The following TMPRSS15 variants were observed in gnomAD, a reference collection of about 807,000 sequenced individuals.
TMPRSS15 encodes the protein transmembrane serine protease 15.
TMPRSS15 carries 128 observed loss-of-function variants against 125.3 expected under a neutral mutation model. The ratio of observed to expected loss-of-function variants is 1.02; its 90% CI spans 0.89 to 1.18. The LOEUF is 1.18. TMPRSS15 is among the 50% of genes most tolerant of loss of function. TMPRSS15 has a pLI of 0.00. For synonymous variants in TMPRSS15, 446 were observed against 423.2 expected (o/e 1.05, Z -0.66); for missense variants, 1,283 against 1,212.7 (o/e 1.06, Z -0.86).
chr21:18,359,888 T>C (rs762232991), intron 7 of TMPRSS15, 25 bp from the exon 8 acceptor site: 6 of 1,136,758 alleles, frequency 5.3e-6, no homozygotes, highest in South Asian at 5.0e-5. Context: ...AAAAATAGAT[T>C]ACCAAATTTT....
chr21:18,311,042 T>G (rs373815762), intron 18 of TMPRSS15, among the ~76,000 whole-genome samples: 12 of 151,332 alleles, frequency 7.9e-5, no homozygotes, highest in Admixed American at 2.6e-4. Context: ...ATATGAAGTA[T>G]GAAACTAGAC....
intron 1 of TMPRSS15, among the ~76,000 whole-genome samples, chr21:18,414,365 C>T (rs1438833698): frequency 6.6e-6 from 1 of 152,124 alleles, no homozygotes; most frequent in East Asian, 1.9e-4. Context: ...GATTTTTGAA[C>T]ATAACGTGAG....
chr21:18,452,223 C>T (rs929539757), intron 1 of TMPRSS15, among the ~76,000 whole-genome samples: 1 of 152,086 alleles, frequency 6.6e-6, no homozygotes, highest in Non-Finnish European at 1.5e-5. Context: ...CTTAGGGATT[C>T]CTTGAGTCTA....
chr21:18,433,341 G>A (rs2076220356), intron 1 of TMPRSS15, among the ~76,000 whole-genome samples: 1 of 152,038 alleles, frequency 6.6e-6, no homozygotes, highest in African/African-American at 2.4e-5. Flanking sequence ...GAAAATAAAG[G>A]AGCAGGAAAA....
intron 1 of TMPRSS15, among the ~76,000 whole-genome samples, chr21:18,459,351 G>A (rs1365363609): frequency 6.6e-6 from 1 of 150,788 alleles, no homozygotes; most frequent in Non-Finnish European, 1.5e-5. Context: ...TTGGCTCATT[G>A]CAACCTCTGC....
intron 13 of TMPRSS15, among the ~76,000 whole-genome samples, chr21:18,333,000 A>G (rs548018303): frequency 2.0e-5 from 3 of 152,298 alleles, no homozygotes; most frequent in Admixed American, 1.3e-4. Flanking sequence ...AGAACAGAAA[A>G]TCAAATTCTG....
chr21:18,351,511 C>T (rs2075568649), intron 10 of TMPRSS15, among the ~76,000 whole-genome samples: 1 of 152,064 alleles, frequency 6.6e-6, no homozygotes, highest in Non-Finnish European at 1.5e-5. Context: ...GGTGAGTTCC[C>T]ACAAGATCTG....
intron 7 of TMPRSS15, among the ~76,000 whole-genome samples, chr21:18,362,191 C>T (rs2075684954): frequency 6.6e-6 from 1 of 152,088 alleles, no homozygotes; most frequent in Admixed American, 6.6e-5. Context: ...TAAATTCTGC[C>T]TCTGTTATGT....
intron 24 of TMPRSS15, among the ~76,000 whole-genome samples, chr21:18,273,605 G>C (rs969229746): frequency 6.6e-6 from 1 of 152,232 alleles, no homozygotes; most frequent in East Asian, 1.9e-4. Flanking sequence ...AATAGCATCA[G>C]CCGTCATATT....
intron 4 of TMPRSS15, among the ~76,000 whole-genome samples, chr21:18,383,203 A>G (rs1179648532): frequency 6.7e-6 from 1 of 148,732 alleles, no homozygotes; most frequent in Non-Finnish European, 1.5e-5. Context: ...CTTGGAATGC[A>G]TAAGACCCAC....
Position 18,359,865 on chromosome 21 carries a change from TA to T in TMPRSS15, c.774-3del. The T allele has an allele frequency of 7.0e-7, 1 of 1,430,370 alleles. No homozygotes were observed. Among genetic ancestry groups the T allele is most frequent in the Non-Finnish European group, 9.9e-7 (1 of 1,015,218 alleles). The allele number at this position is 1,430,370 out of a possible 1,614,324, so 88.6% of individuals were successfully genotyped here. A position where few individuals can be genotyped will look rare whatever the true frequency, so the allele number is the denominator to read the frequency against. On this transcript the variant is annotated splice_region_variant and splice_polypyrimidine_tract_variant and intron_variant, in intron 7 of 24. Transcript: ENST00000284885. ...TTAATGGAAAGTCCTTGGTTTACAC[TA>T]AATTAAAAGCAAAAAATAGATTACC...
At chr21:18,416,911 T>A (rs776195470) in intron 1 of TMPRSS15, among the ~76,000 whole-genome samples, 1 of 152,112 alleles carries the variant, frequency 6.6e-6, no homozygotes, top group Non-Finnish European at 1.5e-5. Flanking sequence ...GTAAAGCTGA[T>A]ACATACCAGA....
At chr21:18,288,626 C>T (rs1214844795) in intron 21 of TMPRSS15, among the ~76,000 whole-genome samples, 1 of 139,012 alleles carries the variant, frequency 7.2e-6, no homozygotes, top group African/African-American at 2.8e-5. Flanking sequence ...CCACAACCTT[C>T]GCCTCCCGGG....
intron 1 of TMPRSS15, among the ~76,000 whole-genome samples, chr21:18,399,519 A>G (rs1056591951): frequency 6.6e-6 from 1 of 152,142 alleles, no homozygotes; most frequent in Non-Finnish European, 1.5e-5. Context: ...GAGGAACTAC[A>G]ACAGATTAAA....
At chr21:18,280,924 A>C (rs976150002) in intron 22 of TMPRSS15, 116 bp downstream of exon 22, 24 of 1,122,016 alleles carry the variant, frequency 2.1e-5, no homozygotes, top group African/African-American at 1.5e-4. Context: ...CCAATGATTT[A>C]TGTAACAAAT....
chr21:18,392,775 T>A (rs892827508), intron 3 of TMPRSS15, among the ~76,000 whole-genome samples: 3 of 152,122 alleles, frequency 2.0e-5, no homozygotes, highest in Admixed American at 6.5e-5. Flanking sequence ...TCAGGAAACT[T>A]AAAATCATGG....
At chr21:18,394,796 T>C (rs751087536) in intron 3 of TMPRSS15, among the ~76,000 whole-genome samples, 2 of 152,140 alleles carry the variant, frequency 1.3e-5, no homozygotes, top group Middle Eastern at 3.2e-3. Context: ...GATAGATCAG[T>C]ACACCTTTAA....
In TMPRSS15 at chr21:18,471,021, A is replaced by G. The variant is rs1001757647; in HGVS notation, c.10+14778T>C. On this transcript the variant is annotated intron_variant, in intron 1 of 7. Coordinates refer to the TMPRSS15 transcript ENST00000422787. The stretch of plus-strand genomic sequence containing the variant: ...AATACTTCTTACATCTCTATTACCC[A>G]TGATAGTTGATATATGAAAGATGTC... 1.3e-4 allele frequency among the ~76,000 whole-genome samples: 20 copies of G among 151,970 alleles called. 1 individual carries two copies. Among genetic ancestry groups the G allele is most frequent in the Non-Finnish European group, 2.4e-4 (16 of 67,968 alleles).
In TMPRSS15 at chr21:18,418,166, T is replaced by C. The variant is rs185445560; in HGVS notation, c.11-19837A>G. 2.0e-5 allele frequency among the ~76,000 whole-genome samples: 3 copies of C among 152,358 alleles called. No homozygotes were observed. In the South Asian group the frequency reaches 6.2e-4, roughly 32 times the overall value. ...TGTCTCTTCCAAACAGGCTCTCTCC[T>C]ATGGTTTCATTTCACCCATTAGATA... On this transcript the variant is annotated intron_variant, in intron 1 of 7. Transcript: ENST00000422787.
Sources: gnomAD v4.1 joint callset for allele counts (sites outside exome capture counted in the v4.1 genomes callset) on GRCh38, gnomAD v4.1.1 for gene constraint, MANE v1.5 for transcripts, NCBI Gene and HGNC (gene_info 2026-07-23, HGNC 2026-07-21) for gene names.